Variants in CNIH3 observed in about 807,000 individuals in gnomAD.
The protein encoded by CNIH3 is protein cornichon homolog 3.
CNIH3 carries 14 observed loss-of-function variants against 24.1 expected under a neutral mutation model. The observed-to-expected ratio is 0.58, with a 90% CI of 0.38 to 0.91. The LOEUF (loss-of-function observed/expected upper bound fraction) is 0.91. Ranked by LOEUF, CNIH3 falls within the 40% of genes least tolerant of loss-of-function variation. CNIH3 has a pLI of 0.00. For missense variants in CNIH3, 178 were observed against 196.8 expected, an observed-to-expected ratio of 0.90 and a Z score of 0.57; for synonymous variants, 68 against 73.8, an observed-to-expected ratio of 0.92 and a Z score of 0.40.
chr1:224,717,240 C>T (rs1399887037), intron 3 of CNIH3, among the ~76,000 whole-genome samples: 1 of 152,152 alleles, frequency 6.6e-6, no homozygotes, highest in East Asian at 1.9e-4. Flanking sequence ...GATCAGGGTG[C>T]CAGCATGACT....
chr1:224,520,012 C>T (rs1210254403), intron 1 of CNIH3, among the ~76,000 whole-genome samples: 3 of 152,162 alleles, frequency 2.0e-5, no homozygotes, highest in East Asian at 3.8e-4. Flanking sequence ...TTAGAGTACC[C>T]AGAGGCCAAG....
chr1:224,587,395 C>A (rs1378187026), intron 5 of CNIH3: 1 of 152,294 alleles, frequency 6.6e-6, no homozygotes, highest in Non-Finnish European at 1.5e-5. Context: ...GTGTGGACCA[C>A]AGAATTCATG....
chr1:224,519,541 CA>C (rs1204691815), intron 1 of CNIH3, among the ~76,000 whole-genome samples: 3 of 151,726 alleles, frequency 2.0e-5, no homozygotes, highest in Non-Finnish European at 4.4e-5. Context: ...GTGAAAGATA[CA>C]TATCACATAC....
chr1:224,615,269 G>A (rs1327809895), upstream of CNIH3: 1 of 152,096 alleles, frequency 6.6e-6, no homozygotes, highest in Non-Finnish European at 1.5e-5. Flanking sequence ...CTCTTTCACC[G>A]AGATTTGCCA....
At chr1:224,507,213 C>A (rs759899822) in intron 1 of CNIH3, among the ~76,000 whole-genome samples, 1 of 152,148 alleles carries the variant, frequency 6.6e-6, no homozygotes, top group African/African-American at 2.4e-5. Flanking sequence ...CCAGATCCAA[C>A]AAACCAAATA....
At chr1:224,650,433 G>A (rs1365483660) in intron 1 of CNIH3, among the ~76,000 whole-genome samples, 5 of 152,142 alleles carry the variant, frequency 3.3e-5, no homozygotes, top group Admixed American at 6.6e-5. Flanking sequence ...GGCTTCTGGA[G>A]GCCAACATGC....
intron 1 of CNIH3, among the ~76,000 whole-genome samples, chr1:224,454,537 A>G (rs950302806): frequency 2.6e-5 from 4 of 152,130 alleles, no homozygotes; most frequent in Non-Finnish European, 5.9e-5. Flanking sequence ...AGGCACAGCT[A>G]TTTGTCACTG....
At chr1:224,552,712 G>T (rs61556319) in intron 3 of CNIH3, among the ~76,000 whole-genome samples, 2 of 150,728 alleles carry the variant, frequency 1.3e-5, no homozygotes, top group South Asian at 4.2e-4. Flanking sequence ...AATGTATCTC[G>T]CTTAGATATT....
chr1:224,496,074 C>T (rs1272197038), intron 1 of CNIH3, among the ~76,000 whole-genome samples: 2 of 152,184 alleles, frequency 1.3e-5, no homozygotes, highest in Admixed American at 1.3e-4. Flanking sequence ...AGAGACTCAG[C>T]CCCTTGTCCT....
At chr1:224,435,027 G>A (rs936618731) in intron 1 of CNIH3, 200 of 985,370 alleles carry the variant, frequency 2.0e-4, no homozygotes, top group Non-Finnish European at 2.3e-4. Flanking sequence ...TTCCCCTTGC[G>A]CCCTGGCTCG....
intron 1 of CNIH3, among the ~76,000 whole-genome samples, chr1:224,452,420 G>T (rs1337538754): frequency 6.6e-6 from 1 of 151,788 alleles, no homozygotes; most frequent in African/African-American, 2.4e-5. Context: ...AAAGTGCTGG[G>T]ATTATAGGTG....
intron 1 of CNIH3, among the ~76,000 whole-genome samples, chr1:224,637,748 G>A (rs913348851): frequency 6.6e-6 from 1 of 152,156 alleles, no homozygotes; most frequent in Non-Finnish European, 1.5e-5. Context: ...GTCACCAGCC[G>A]CTCAGCTGGG....
chr1:224,639,282 C>T (rs897941039), intron 1 of CNIH3, among the ~76,000 whole-genome samples: 5 of 152,228 alleles, frequency 3.3e-5, no homozygotes, highest in Non-Finnish European at 7.3e-5. Context: ...TGATGTGATT[C>T]AGACCTGGAT....
intron 1 of CNIH3, among the ~76,000 whole-genome samples, chr1:224,484,299 G>T (rs1453750329): frequency 6.6e-6 from 1 of 151,986 alleles, no homozygotes; most frequent in African/African-American, 2.4e-5. Flanking sequence ...GCGCGGTAGT[G>T]GGCACCTGTA....
intron 3 of CNIH3, among the ~76,000 whole-genome samples, chr1:224,564,172 C>G (rs898799578): frequency 6.6e-6 from 1 of 152,134 alleles, no homozygotes; most frequent in African/African-American, 2.4e-5. Context: ...GTAGAATTTC[C>G]TTTTCTAAAT....
At chr1:224,673,385 C>G (rs1024825362) in intron 1 of CNIH3, among the ~76,000 whole-genome samples, 15 of 152,188 alleles carry the variant, frequency 9.9e-5, no homozygotes, top group African/African-American at 3.4e-4. Flanking sequence ...CCTCCCCTCC[C>G]CCTGCTGTCT....
chr1:224,601,373 G>A (rs1682201675), intron 3 of CNIH3, among the ~76,000 whole-genome samples: 1 of 152,204 alleles, frequency 6.6e-6, no homozygotes, highest in Admixed American at 6.5e-5. Flanking sequence ...GAGGAACACT[G>A]TATACCAGTG....
chr1:224,568,295 ACAAG>A (rs1278305584), intron 4 of CNIH3, among the ~76,000 whole-genome samples: 4 of 91,528 alleles, frequency 4.4e-5, no homozygotes, highest in East Asian at 8.1e-4. Flanking sequence ...TCTCAAACAA[ACAAG>A]CAAACAAACA....
At chr1:224,641,137 C>G (rs945808360) in intron 1 of CNIH3, among the ~76,000 whole-genome samples, 1 of 152,126 alleles carries the variant, frequency 6.6e-6, no homozygotes, top group Non-Finnish European at 1.5e-5. Context: ...AGCAGAGGGA[C>G]CCAGGGGAGA....
Sources: allele counts gnomAD v4.1 joint callset (sites outside exome capture counted in the v4.1 genomes callset), GRCh38; gene constraint gnomAD v4.1.1; transcripts MANE v1.5; gene names NCBI Gene and HGNC (gene_info 2026-07-23, HGNC 2026-07-21).